Variants in IQCJ observed in about 807,000 individuals in gnomAD.
IQCJ encodes the protein IQ domain-containing protein J.
Under a neutral mutation model 11.0 loss-of-function variants are expected in IQCJ, and 9 were observed. The observed-to-expected ratio is 0.82, with a 90% CI of 0.49 to 1.43. The LOEUF is 1.43. Among genes scored for constraint, IQCJ ranks in the 40% most tolerant of loss-of-function variants. The pLI is 0.00. For synonymous variants in IQCJ, 55 were observed against 51.3 expected (o/e 1.07, Z -0.31); for missense variants, 146 against 133.2 (o/e 1.10, Z -0.47).
At chr3:159,085,590 A>T in intron 1 of IQCJ, among the ~76,000 whole-genome samples, 1 of 146,404 alleles carries the variant, frequency 6.8e-6, no homozygotes, top group Non-Finnish European at 1.5e-5. Flanking sequence ...TTGTTTCCTG[A>T]CTTTTTAATG....
chr3:159,108,752 A>T (rs1307999325), intron 1 of IQCJ, among the ~76,000 whole-genome samples: 2 of 152,244 alleles, frequency 1.3e-5, no homozygotes, highest in Admixed American at 1.3e-4. Context: ...ATACTTTCAT[A>T]TGCCTACCAC....
intron 1 of IQCJ, among the ~76,000 whole-genome samples, chr3:159,192,836 C>A (rs1723770169): frequency 6.6e-6 from 1 of 152,166 alleles, no homozygotes; most frequent in African/African-American, 2.4e-5. Flanking sequence ...GTTACCTCAT[C>A]TGGGAACAGG....
At chr3:159,136,143 C>T (rs1310324864) in intron 1 of IQCJ, among the ~76,000 whole-genome samples, 1 of 152,180 alleles carries the variant, frequency 6.6e-6, no homozygotes, top group African/African-American at 2.4e-5. Flanking sequence ...GCTATGCTGA[C>T]TCTTTATCAG....
At chr3:159,182,295 G>T (rs1723134703) in intron 1 of IQCJ, among the ~76,000 whole-genome samples, 1 of 151,926 alleles carries the variant, frequency 6.6e-6, no homozygotes, top group African/African-American at 2.4e-5. Context: ...GGGTAGAAGT[G>T]ATTTGTTTTC....
intron 1 of IQCJ, among the ~76,000 whole-genome samples, chr3:159,144,806 C>A (rs1396747584): frequency 6.6e-6 from 1 of 152,110 alleles, no homozygotes; most frequent in African/African-American, 2.4e-5. Flanking sequence ...AGCAATGATT[C>A]ATCATTAAAT....
chr3:159,153,654 A>C (rs532248224), intron 1 of IQCJ, among the ~76,000 whole-genome samples: 78 of 152,334 alleles, frequency 5.1e-4, no homozygotes, highest in Admixed American at 4.6e-3. Flanking sequence ...GCTGATTTTC[A>C]TGAAGATTAA....
chr3:159,084,452 C>T (rs777731291), intron 1 of IQCJ, among the ~76,000 whole-genome samples: 4 of 151,990 alleles, frequency 2.6e-5, no homozygotes, highest in Admixed American at 6.6e-5. Flanking sequence ...GCTTGCCCAG[C>T]GAGTGAGAAT....
chr3:159,090,750 G>T (rs1358893925), intron 1 of IQCJ, among the ~76,000 whole-genome samples: 1 of 151,860 alleles, frequency 6.6e-6, no homozygotes, highest in Admixed American at 6.5e-5. Context: ...CCCTTGAAAG[G>T]CAGAGCTGGG....
At chr3:159,234,261 T>C (rs1199951948) in intron 1 of IQCJ, among the ~76,000 whole-genome samples, 1 of 152,242 alleles carries the variant, frequency 6.6e-6, no homozygotes, top group Non-Finnish European at 1.5e-5. Context: ...AGATAATTCA[T>C]GCAACATGCC....
intron 1 of IQCJ, among the ~76,000 whole-genome samples, chr3:159,162,430 G>C (rs934457318): frequency 1.3e-5 from 2 of 152,010 alleles, no homozygotes; most frequent in African/African-American, 4.8e-5. Flanking sequence ...GGAGATTTTG[G>C]GCTGAGACAG....
intron 1 of IQCJ, among the ~76,000 whole-genome samples, chr3:159,216,719 G>A (rs1455686214): frequency 6.6e-6 from 1 of 152,088 alleles, no homozygotes; most frequent in Non-Finnish European, 1.5e-5. Flanking sequence ...TGAGCTTGTA[G>A]AAATGCACAG....
chr3:159,226,531 A>T (rs1725863560), intron 1 of IQCJ, among the ~76,000 whole-genome samples: 1 of 152,190 alleles, frequency 6.6e-6, no homozygotes, highest in Non-Finnish European at 1.5e-5. Flanking sequence ...GTTATATCAC[A>T]ACTACAGTTA....
intron 1 of IQCJ, among the ~76,000 whole-genome samples, chr3:159,114,789 C>CAATA (rs1230527340): frequency 3.9e-5 from 6 of 152,210 alleles, no homozygotes; most frequent in African/African-American, 1.2e-4. Flanking sequence ...ACTGCCAAAA[C>CAATA]AATACCCCCT....
chr3:159,119,273 C>A (rs919303648), intron 1 of IQCJ, among the ~76,000 whole-genome samples: 2 of 152,180 alleles, frequency 1.3e-5, no homozygotes, highest in African/African-American at 4.8e-5. Context: ...GACATAACTC[C>A]TTGTAAATGG....
intron 3 of IQCJ, among the ~76,000 whole-genome samples, chr3:159,261,454 A>C (rs1728200374): frequency 6.6e-6 from 1 of 152,134 alleles, no homozygotes; most frequent in African/African-American, 2.4e-5. Flanking sequence ...CCCACATGTC[A>C]AGGGTGTGAC....
intron 1 of IQCJ, among the ~76,000 whole-genome samples, chr3:159,142,126 A>G (rs1720637779): frequency 6.6e-6 from 1 of 152,224 alleles, no homozygotes; most frequent in Admixed American, 6.5e-5. Flanking sequence ...CCATTTGAAC[A>G]GCTAGTTGTC....
At chr3:159,186,190 CTGAT>C (rs1723361496) in intron 1 of IQCJ, among the ~76,000 whole-genome samples, 2 of 152,126 alleles carry the variant, frequency 1.3e-5, no homozygotes, top group Non-Finnish European at 2.9e-5. Flanking sequence ...TGGGGTGAGT[CTGAT>C]TGGTCTATGT....
At chr3:159,090,136 A>G (rs2108078386) in intron 1 of IQCJ, among the ~76,000 whole-genome samples, 1 of 151,688 alleles carries the variant, frequency 6.6e-6, no homozygotes, top group East Asian at 1.9e-4. Flanking sequence ...TTTCCTTCTA[A>G]CAGACAGGAC....
intron 1 of IQCJ, among the ~76,000 whole-genome samples, chr3:159,080,926 T>C (rs1716263846): frequency 6.6e-6 from 1 of 152,130 alleles, no homozygotes; most frequent in African/African-American, 2.4e-5. Context: ...TTAAAATCAG[T>C]ATGTCAGGTT....
Sources: allele counts gnomAD v4.1 joint callset (sites outside exome capture counted in the v4.1 genomes callset), GRCh38; gene constraint gnomAD v4.1.1; transcripts MANE v1.5; gene names NCBI Gene and HGNC (gene_info 2026-07-23, HGNC 2026-07-21).